The following DOCK8 variants were observed in gnomAD, a reference collection of about 807,000 sequenced individuals.
DOCK8 encodes the protein dedicator of cytokinesis 8.
Under a neutral mutation model 245.6 loss-of-function variants are expected in DOCK8, and 141 were observed. That is an observed-to-expected ratio of 0.57 (90% CI 0.50 to 0.66). The LOEUF is 0.66. Ranked by LOEUF, DOCK8 falls within the 30% of genes least tolerant of loss-of-function variation. DOCK8 has a pLI of 0.00. For missense variants in DOCK8, 2,965 were observed against 2,603.4 expected, an observed-to-expected ratio of 1.14 and a Z score of -3.02; for synonymous variants, 1,168 against 970.2, an observed-to-expected ratio of 1.20 and a Z score of -3.79.
intron 1 of DOCK8, among the ~76,000 whole-genome samples, chr9:237,390 T>TA (rs1177521199): frequency 6.6e-6 from 1 of 152,232 alleles, no homozygotes; most frequent in African/African-American, 2.4e-5. Flanking sequence ...TGCTGTGGCT[T>TA]ACGCCTGTAA....
At position 453,509 on chromosome 9, in the gene DOCK8, C is replaced by T. The variant is rs184101823; in HGVS notation, c.6068+1392C>T. Reference sequence around the variant, plus strand: ...TGGCATAATCTCAGCTCACTGCAACCTCCACTTCCCAGGCTCAAGAGATTC... The same window carrying T: ...TGGCATAATCTCAGCTCACTGCAACTTCCACTTCCCAGGCTCAAGAGATTC... On this transcript the variant is annotated intron_variant, in intron 46 of 47. Coordinates refer to ENST00000432829, the MANE Select transcript of DOCK8 (RefSeq NM_203447.4). Among the ~76,000 whole-genome samples the T allele has an allele frequency of 3.1e-3, 472 of 152,288 alleles. 2 individuals are homozygous for T. The highest frequency in any genetic ancestry group is 5.0e-3 in the Admixed American group (76 of 15,304).
intron 26 of DOCK8, among the ~76,000 whole-genome samples, chr9:400,863 C>CCACCATCACCACCACCTCCACCAT (rs2054978160): frequency 1.3e-5 from 1 of 78,470 alleles, no homozygotes; most frequent in Non-Finnish European, 2.2e-5. Context: ...ACCACCTCCT[C>CCACCATCACCACCACCTCCACCAT]CACCATCACC....
At chr9:387,728 A>G (rs1319704119) in intron 23 of DOCK8, among the ~76,000 whole-genome samples, 3 of 152,224 alleles carry the variant, frequency 2.0e-5, no homozygotes, top group Non-Finnish European at 2.9e-5. Flanking sequence ...TAGGCTAAAA[A>G]CAAATTAGTC....
chr9:269,948 C>G (rs1185798434), intron 1 of DOCK8, among the ~76,000 whole-genome samples: 1 of 152,122 alleles, frequency 6.6e-6, no homozygotes, highest in Non-Finnish European at 1.5e-5. Context: ...CAGGAACTGC[C>G]AGATGGCTTT....
At chr9:276,896 C>T in intron 2 of DOCK8, 1 of 246,024 alleles carries the variant, frequency 4.1e-6, no homozygotes, top group Non-Finnish European at 8.8e-6. Flanking sequence ...ACAACCTCCG[C>T]CTCCCAGGCT....
chr9:463,347 T>C (rs1053666918), intron 46 of DOCK8, among the ~76,000 whole-genome samples, 170 bp from the exon 47 acceptor site: 4 of 152,134 alleles, frequency 2.6e-5, no homozygotes, highest in Non-Finnish European at 5.9e-5. Context: ...AAGTCTGAGA[T>C]AGATCCCAGA....
intron 20 of DOCK8, among the ~76,000 whole-genome samples, chr9:379,433 A>G (rs1373563208): frequency 6.6e-6 from 1 of 152,192 alleles, no homozygotes. Flanking sequence ...AGTAGCAAGC[A>G]GGTGATAGTG....
intron 33 of DOCK8, among the ~76,000 whole-genome samples, chr9:423,114 G>A (rs867013030): frequency 6.6e-6 from 1 of 151,752 alleles, no homozygotes; most frequent in Non-Finnish European, 1.5e-5. Context: ...ATCGGTAATT[G>A]ATGTTTTCTC....
At chr9:421,985 T>C in intron 32 of DOCK8, 63 bp from the exon 33 acceptor site, 1 of 1,407,822 alleles carries the variant, frequency 7.1e-7, no homozygotes, top group Non-Finnish European at 1.0e-6. Flanking sequence ...TGTTATGAAC[T>C]TCTGGTTATC....
At chr9:311,512 C>A (rs1172419979) in intron 5 of DOCK8, among the ~76,000 whole-genome samples, 1 of 151,792 alleles carries the variant, frequency 6.6e-6, no homozygotes, top group Non-Finnish European at 1.5e-5. Context: ...CTTGTCTACC[C>A]AAGGACTGGG....
At chr9:253,294 T>C (rs890868461) in intron 1 of DOCK8, among the ~76,000 whole-genome samples, 1 of 152,200 alleles carries the variant, frequency 6.6e-6, no homozygotes, top group Non-Finnish European at 1.5e-5. Context: ...ACTAAACACT[T>C]CCTATGTGCT....
rs1262180752 is a variant in DOCK8 at position 277,453 on chromosome 9, GAA to G, written c.156+5726_156+5727del. ...AAAGAAAAGAGAAGAGAGGAGAAGAGAAAGAGAGAAGAGAAGAGAAGAGAAGA... is the reference window on the plus strand; with the variant it reads ...AAAGAAAAGAGAAGAGAGGAGAAGAGAGAGAGAAGAGAAGAGAAGAGAAGA... On this transcript the variant is annotated intron_variant, in intron 2 of 47. Coordinates refer to ENST00000432829, the MANE Select transcript of DOCK8 (RefSeq NM_203447.4). 2.9e-4 allele frequency among the ~76,000 whole-genome samples: 23 copies of G among 78,280 alleles called. 3 individuals carry two copies. The highest frequency in any genetic ancestry group is 1.6e-3 in the African/African-American group (23 of 14,778). 51.4% of individuals were successfully genotyped at this position (78,280 alleles called of 152,430 possible). A position where few individuals can be genotyped will look rare whatever the true frequency, so the allele number is the denominator to read the frequency against.
intron 14 of DOCK8, among the ~76,000 whole-genome samples, chr9:351,071 C>T (rs1256559354): frequency 2.0e-5 from 3 of 152,128 alleles, no homozygotes; most frequent in Non-Finnish European, 2.9e-5. Flanking sequence ...GGTGGTGGCA[C>T]CATATGGCCA....
At chr9:214,032 G>C (rs1232306568), upstream of DOCK8, 1 of 154,226 alleles carries the variant, frequency 6.5e-6, no homozygotes, top group Non-Finnish European at 1.4e-5. Context: ...GGCCTGCTTT[G>C]GTATTTTTTA....
At chr9:215,639 C>G in intron 1 of DOCK8, 1 of 459,264 alleles carries the variant, frequency 2.2e-6, no homozygotes, top group Non-Finnish European at 3.7e-6. Context: ...TTAAATAAAC[C>G]AAAAGAAATG....
chr9:435,909 T>C (rs2056884278), intron 39 of DOCK8, among the ~76,000 whole-genome samples: 1 of 152,206 alleles, frequency 6.6e-6, no homozygotes, highest in Non-Finnish European at 1.5e-5. Context: ...GCTACAGTAA[T>C]AGAGTGTTTT....
intron 32 of DOCK8, 62 bp downstream of exon 32, chr9:421,140 A>T: frequency 1.2e-6 from 2 of 1,603,496 alleles, no homozygotes; most frequent in Non-Finnish European, 1.7e-6. Context: ...TGTGGGGAGG[A>T]ATGTCCTCCC....
chr9:386,174 T>G (rs555303723), intron 22 of DOCK8, among the ~76,000 whole-genome samples, 157 bp from the exon 23 acceptor site: 2 of 152,332 alleles, frequency 1.3e-5, no homozygotes, highest in South Asian at 4.1e-4. Flanking sequence ...TTCACTGTCT[T>G]TGCTTTGTTT....
chr9:328,893 C>T (rs924195239), intron 9 of DOCK8, among the ~76,000 whole-genome samples: 8 of 146,664 alleles, frequency 5.5e-5, no homozygotes, highest in African/African-American at 2.0e-4. Flanking sequence ...AATTAACAAA[C>T]ATCAGGTATT....
Sources: gnomAD v4.1 joint callset for allele counts (sites outside exome capture counted in the v4.1 genomes callset) on GRCh38, gnomAD v4.1.1 for gene constraint, MANE v1.5 for transcripts, NCBI Gene and HGNC (gene_info 2026-07-23, HGNC 2026-07-21) for gene names.